Variants in INPP4B observed in about 807,000 individuals in gnomAD.
INPP4B encodes inositol polyphosphate 4-phosphatase type II.
In INPP4B, 55 loss-of-function variants were observed where a neutral mutation model predicts 122.5. The ratio of observed to expected loss-of-function variants is 0.45; its 90% CI spans 0.36 to 0.56. The LOEUF (loss-of-function observed/expected upper bound fraction) is 0.56. Among genes scored for constraint, INPP4B ranks in the 20% least tolerant of loss-of-function variants. The pLI, the probability that INPP4B is intolerant of heterozygous loss-of-function variation, is 0.00. For missense variants in INPP4B, 1,000 were observed against 1,097.7 expected (o/e 0.91, Z 1.26); for synonymous variants, 403 against 388.7 (o/e 1.04, Z -0.43).
intron 2 of INPP4B, among the ~76,000 whole-genome samples, chr4:142,585,843 C>G (rs983412420): frequency 1.2e-5 from 1 of 82,070 alleles, no homozygotes; most frequent in Admixed American, 1.5e-4. Context: ...TTACACTAAA[C>G]ACTTTATTAT....
At chr4:142,115,708 G>C (rs9998887) in intron 21 of INPP4B, among the ~76,000 whole-genome samples, 1 of 151,948 alleles carries the variant, frequency 6.6e-6, no homozygotes, top group East Asian at 1.9e-4. Flanking sequence ...TGCAAAAACA[G>C]TGCAAATTAT....
At chr4:142,494,139 G>A (rs1004664475) in intron 2 of INPP4B, among the ~76,000 whole-genome samples, 8 of 152,036 alleles carry the variant, frequency 5.3e-5, no homozygotes, top group Non-Finnish European at 1.2e-4. Flanking sequence ...GTTTCCTGAG[G>A]CCTCCCCAGT....
At chr4:142,412,921 G>A (rs1192861708) in intron 5 of INPP4B, among the ~76,000 whole-genome samples, 1 of 151,908 alleles carries the variant, frequency 6.6e-6, no homozygotes, top group Non-Finnish European at 1.5e-5. Context: ...ATAAGACTTG[G>A]GACTCTAGGA....
At chr4:142,344,746 G>A (rs1458695192) in intron 7 of INPP4B, among the ~76,000 whole-genome samples, 1 of 151,988 alleles carries the variant, frequency 6.6e-6, no homozygotes, top group East Asian at 1.9e-4. Flanking sequence ...AAGAGGATCA[G>A]GAAAAATAAT....
chr4:142,505,503 A>C (rs539601500), intron 2 of INPP4B, among the ~76,000 whole-genome samples: 190 of 152,190 alleles, frequency 1.2e-3, no homozygotes, highest in Non-Finnish European at 2.4e-3. Context: ...TGCATTTTTC[A>C]CTTTTTCAGG....
intron 9 of INPP4B, among the ~76,000 whole-genome samples, chr4:142,282,115 G>A (rs977314995): frequency 2.0e-5 from 3 of 152,114 alleles, no homozygotes; most frequent in Admixed American, 6.6e-5. Flanking sequence ...GGTAAAAGGT[G>A]GATGAGTGCT....
At chr4:142,584,885 A>G (rs28758544) in intron 2 of INPP4B, among the ~76,000 whole-genome samples, 2,143 of 152,272 alleles carry the variant, frequency 0.014, 40 homozygotes, top group African/African-American at 0.041. Flanking sequence ...CTACTCTCCC[A>G]CGTTTATTTA....
At chr4:142,093,170 G>A (rs1780326557) in intron 23 of INPP4B, among the ~76,000 whole-genome samples, 1 of 152,110 alleles carries the variant, frequency 6.6e-6, no homozygotes. Context: ...TCTTGTTTAG[G>A]TGCTTAAGTC....
chr4:142,621,087 C>T (rs1376839770), intron 2 of INPP4B, among the ~76,000 whole-genome samples: 1 of 151,506 alleles, frequency 6.6e-6, no homozygotes, highest in African/African-American at 2.4e-5. Context: ...CAGTAGGAAA[C>T]CAATAATAAA....
chr4:142,030,328 G>A, intron 25 of INPP4B: 3 of 1,518,686 alleles, frequency 2.0e-6, no homozygotes, highest in African/African-American at 1.4e-5. Flanking sequence ...AAGTTGGGGG[G>A]GAAAAGAAAA....
chr4:142,546,156 T>C (rs901109535), intron 2 of INPP4B, among the ~76,000 whole-genome samples: 1 of 152,078 alleles, frequency 6.6e-6, no homozygotes, highest in Non-Finnish European at 1.5e-5. Context: ...TCTCATCATT[T>C]AGTTCCCACT....
intron 7 of INPP4B, among the ~76,000 whole-genome samples, chr4:142,364,378 C>G (rs528878707): frequency 1.1e-4 from 16 of 151,952 alleles, no homozygotes; most frequent in Non-Finnish European, 2.1e-4. Context: ...GCCATAGACA[C>G]TTGCAATAGA....
intron 5 of INPP4B, chr4:142,427,520 T>C (rs1360991588): frequency 3.1e-6 from 2 of 637,694 alleles, no homozygotes; most frequent in Non-Finnish European, 2.8e-6. Flanking sequence ...GAAATTTACT[T>C]GGCTTTCTAA....
chr4:142,184,981 T>G (rs1832528724), intron 15 of INPP4B, among the ~76,000 whole-genome samples: 1 of 152,148 alleles, frequency 6.6e-6, no homozygotes, highest in Admixed American at 6.5e-5. Context: ...TTAAGAAATA[T>G]AATTCCAACC....
chr4:142,512,348 A>G (rs1211230464), intron 2 of INPP4B, among the ~76,000 whole-genome samples: 1 of 152,200 alleles, frequency 6.6e-6, no homozygotes, highest in Non-Finnish European at 1.5e-5. Flanking sequence ...TTTGTAAGTC[A>G]GGTCAAAGAT....
chr4:142,822,126 T>C (rs1382729173), intron 1 of INPP4B, among the ~76,000 whole-genome samples: 1 of 152,132 alleles, frequency 6.6e-6, no homozygotes, highest in Non-Finnish European at 1.5e-5. Flanking sequence ...CAAAAGTGAT[T>C]TCTCAAGTGG....
intron 15 of INPP4B, among the ~76,000 whole-genome samples, chr4:142,188,258 C>G (rs1010486613): frequency 2.6e-5 from 4 of 151,460 alleles, no homozygotes; most frequent in African/African-American, 9.7e-5. Flanking sequence ...GAGGCTGAGG[C>G]GGGTGGATTA....
chr4:142,436,689 A>G (rs1810594091), intron 3 of INPP4B, among the ~76,000 whole-genome samples: 1 of 152,152 alleles, frequency 6.6e-6, no homozygotes, highest in South Asian at 2.1e-4. Context: ...CTAGTGAAAA[A>G]CAAACAAATA....
intron 2 of INPP4B, among the ~76,000 whole-genome samples, chr4:142,610,424 G>A (rs1416549458): frequency 6.6e-6 from 1 of 151,870 alleles, no homozygotes; most frequent in African/African-American, 2.4e-5. Context: ...GCCATCTGAG[G>A]GTAGTGACTA....
Sources: gnomAD v4.1 joint callset for allele counts (sites outside exome capture counted in the v4.1 genomes callset) on GRCh38, gnomAD v4.1.1 for gene constraint, MANE v1.5 for transcripts, NCBI Gene and HGNC (gene_info 2026-07-23, HGNC 2026-07-21) for gene names.